Variants in SASS6 observed in about 807,000 individuals in gnomAD.
The protein encoded by SASS6 is SAS-6 centriolar assembly protein, also known as spindle assembly abnormal protein 6 homolog.
Under a neutral mutation model 94.9 loss-of-function variants are expected in SASS6, and 59 were observed. The ratio of observed to expected loss-of-function variants is 0.62; its 90% CI spans 0.50 to 0.77. The LOEUF (loss-of-function observed/expected upper bound fraction) is 0.77. Among genes scored for constraint, SASS6 ranks in the 30% least tolerant of loss-of-function variants. The pLI is 0.00. For synonymous variants in SASS6, 264 were observed against 270.0 expected (o/e 0.98, Z 0.22); for missense variants, 698 against 734.1 (o/e 0.95, Z 0.57).
Position 100,111,504 on chromosome 1 carries a change from GA to G in SASS6, c.670-1022del, listed in dbSNP as rs373902207. ...TTTTCACAATTATAAATAAAATGAT[GA>G]TTTTTTTTGCACAGACATACATCTA... is the stretch of plus-strand genomic sequence containing the variant. On this transcript the variant is annotated intron_variant, in intron 7 of 16. Transcript: ENST00000287482. Among the ~76,000 whole-genome samples, 185 of 152,046 alleles carry G rather than the reference GA, an allele frequency of 1.2e-3. 2 individuals are homozygous for G. The South Asian group carries it at 0.013, about 10-fold the overall frequency.
chr1:100,114,304 T>C (rs546779550), intron 7 of SASS6, among the ~76,000 whole-genome samples: 46 of 152,162 alleles, frequency 3.0e-4, no homozygotes, highest in Non-Finnish European at 5.7e-4. Context: ...TCTAATACCA[T>C]AGTCTATAAC....
chr1:100,117,811 C>T (rs1410291460), intron 7 of SASS6, among the ~76,000 whole-genome samples: 7 of 142,560 alleles, frequency 4.9e-5, no homozygotes, highest in East Asian at 4.0e-4. Flanking sequence ...GTACTAAGAT[C>T]AGGTGGCAAA....
chr1:100,107,456 AAG>A lies in SASS6; in HGVS notation c.1242_1243del (p.Leu415GlyfsTer2), dbSNP rs775407558. On this transcript the variant is annotated frameshift_variant, in exon 11 of 17. Transcript: ENST00000287482. LOFTEE classifies it high-confidence loss of function. The stretch of plus-strand genomic sequence containing the variant: ...TTGTAATTTTTCCTCCTTCTCAGCC[AAG>A]AGTTTTTCTTGCTGAATAGTAACTG... 6.2e-7 allele frequency: 1 copy of A among 1,609,230 alleles called. No individual in the cohort carries two copies. Among genetic ancestry groups the A allele is most frequent in the Non-Finnish European group, 8.5e-7 (1 of 1,175,866 alleles).
intron 1 of SASS6, among the ~76,000 whole-genome samples, chr1:100,126,465 A>G (rs546280353): frequency 6.6e-6 from 1 of 152,328 alleles, no homozygotes; most frequent in African/African-American, 2.4e-5. Context: ...GATTAATGAG[A>G]GACTGATTGC....
chr1:100,111,595 T>G (rs971989735), intron 7 of SASS6, among the ~76,000 whole-genome samples: 1 of 152,082 alleles, frequency 6.6e-6, no homozygotes, highest in Non-Finnish European at 1.5e-5. Context: ...TAAAGCTTGA[T>G]GCAAGTTCCA....
chr1:100,114,391 C>T (rs12119961), intron 7 of SASS6, among the ~76,000 whole-genome samples: 6,734 of 151,746 alleles, frequency 0.044, 176 homozygotes, highest in African/African-American at 0.061. Context: ...AATATAAATA[C>T]AAACATCCTG....
At position 100,085,331 on chromosome 1, in the gene SASS6, A is replaced by C; in HGVS notation, c.1971T>G (p.Ser657Arg). 2 of 1,596,032 alleles carry C rather than the reference A, an allele frequency of 1.3e-6. No individual in the cohort carries two copies. Among genetic ancestry groups the C allele is most frequent in the Non-Finnish European group, 1.7e-6 (2 of 1,163,604 alleles). ...AAAGTAAAACATGACACTAGAATTA[A>C]CTGTTTGGTAACTGCCCAGGGAAAT... is the stretch of plus-strand genomic sequence containing the variant. The part of the protein sequence containing the change: ...SAYFPGQLPN[S>R] The change falls in exon 17 of 17, where the codon AGT (serine) becomes AGG (arginine). Residue 657 changes from serine to arginine, a missense_variant. Transcript: ENST00000287482.
rs1021629655 is a variant in SASS6 at position 100,084,471 on chromosome 1, G to A, written c.*857C>T. On this transcript the variant is annotated 3_prime_UTR_variant, in exon 17 of 17. Coordinates refer to ENST00000287482, the MANE Select transcript of SASS6 (RefSeq NM_194292.3). ...GTACCTTCTAACAGTTATTTGTTTT[G>A]CCTAGTTTATTAACATTGAAATCAA... 6.6e-6 allele frequency: 1 copy of A among 151,940 alleles called. No individual in the cohort carries two copies. Among genetic ancestry groups the A allele is most frequent in the African/African-American group, 2.4e-5 (1 of 41,390 alleles). The allele number at this position is 151,940 out of a possible 1,614,324, so 9.4% of individuals were successfully genotyped here.
At chr1:100,120,243 T>C (rs1033537281) in intron 6 of SASS6, 151 bp downstream of exon 6, 5 of 573,640 alleles carry the variant, frequency 8.7e-6, no homozygotes, top group Non-Finnish European at 1.6e-5. Flanking sequence ...TTAAGATAAT[T>C]AAGTGGTAGT....
chr1:100,093,824 C>T (rs1570684927), intron 14 of SASS6, among the ~76,000 whole-genome samples: 1 of 151,726 alleles, frequency 6.6e-6, no homozygotes, highest in African/African-American at 2.4e-5. Flanking sequence ...AATACAAATA[C>T]CAAAATTTGT....
chr1:100,117,344 T>C (rs1295271972), intron 7 of SASS6, among the ~76,000 whole-genome samples: 6 of 149,674 alleles, frequency 4.0e-5, no homozygotes, highest in Admixed American at 2.0e-4. Context: ...GAATTCATAC[T>C]ACAAAGCAGT....
chr1:100,097,524 A>T (rs908303999), intron 14 of SASS6, among the ~76,000 whole-genome samples: 2 of 152,116 alleles, frequency 1.3e-5, no homozygotes, highest in Non-Finnish European at 1.5e-5. Flanking sequence ...CAGTATACTG[A>T]GTGAAAAGGA....
rs756085551 is a variant in SASS6 at position 100,107,975 on chromosome 1, G to C, written c.891C>G (p.Leu297=). ...EELQRTKQEV[L]SLRRENSTLD... ...GTGTAGAATTCTCTCTTCGCAAAGA[G>C]AGGACTTCTTGCTTAGTCCGCTGTA... The change falls in exon 9 of 17, where the codon CTC becomes CTG. Residue 297 remains leucine, a synonymous_variant. Transcript: ENST00000287482. 7 of 1,611,636 alleles carry C rather than the reference G, an allele frequency of 4.3e-6. No individual in the cohort carries two copies. Among genetic ancestry groups the C allele is most frequent in the Non-Finnish European group, 3.4e-6 (4 of 1,178,804 alleles).
At chr1:100,121,598 ATCTC>A (rs1199851979) in intron 4 of SASS6, 49 bp from the exon 5 acceptor site, 1 of 1,041,898 alleles carries the variant, frequency 9.6e-7, no homozygotes, top group Admixed American at 2.4e-5. Context: ...GATAGTGAAA[ATCTC>A]TCACTGAATC....
intron 7 of SASS6, among the ~76,000 whole-genome samples, chr1:100,113,714 T>C (rs939308203): frequency 6.7e-6 from 1 of 149,302 alleles, no homozygotes; most frequent in Non-Finnish European, 1.5e-5. Flanking sequence ...AACTAATTAA[T>C]GAAATGAAAA....
intron 7 of SASS6, 133 bp from the exon 8 acceptor site, chr1:100,110,616 T>C: frequency 2.1e-6 from 1 of 485,884 alleles, no homozygotes; most frequent in Non-Finnish European, 3.5e-6. Flanking sequence ...TTTTGTCATC[T>C]TTCTTTAGAT....
chr1:100,115,107 TA>T lies in SASS6; in HGVS notation c.669+3910del, dbSNP rs1256237068. ...TTCTGTGCAAGAAAAAAAAGGACAC[TA>T]ATCATAGGAAGAGAAAAAATTACTA... On this transcript the variant is annotated intron_variant, in intron 7 of 16. Transcript: ENST00000287482. 3.9e-5 allele frequency among the ~76,000 whole-genome samples: 6 copies of T among 152,214 alleles called. No individual in the cohort carries two copies. In the East Asian group the frequency reaches 1.2e-3, roughly 29 times the overall value.
chr1:100,129,369 T>C (rs1456103812), intron 1 of SASS6, among the ~76,000 whole-genome samples: 3 of 152,198 alleles, frequency 2.0e-5, no homozygotes, highest in African/African-American at 7.2e-5. Flanking sequence ...GATTGCATTT[T>C]AGGGCTCCAT....
At chr1:100,105,704 T>A in intron 13 of SASS6, 63 bp downstream of exon 13, 5 of 1,507,350 alleles carry the variant, frequency 3.3e-6, no homozygotes, top group East Asian at 2.3e-5. Flanking sequence ...TTCCTAACAA[T>A]CTGGAAATAC....
Sources: allele counts gnomAD v4.1 joint callset (sites outside exome capture counted in the v4.1 genomes callset), GRCh38; gene constraint gnomAD v4.1.1; transcripts MANE v1.5; gene names NCBI Gene and HGNC (gene_info 2026-07-23, HGNC 2026-07-21).